The following FGGY variants were observed in gnomAD, a reference collection of about 807,000 sequenced individuals.
The protein encoded by FGGY is FGGY carbohydrate kinase domain containing, also known as FGGY carbohydrate kinase domain-containing protein.
Under a neutral mutation model 71.3 loss-of-function variants are expected in FGGY, and 72 were observed. The observed-to-expected ratio is 1.01, with a 90% CI of 0.84 to 1.23. The LOEUF is 1.23. FGGY is among the 50% of genes most tolerant of loss of function. The pLI, the probability that FGGY is intolerant of heterozygous loss-of-function variation, is 0.00. For missense variants in FGGY, 668 were observed against 682.3 expected, an observed-to-expected ratio of 0.98 and a Z score of 0.23; for synonymous variants, 251 against 250.3, an observed-to-expected ratio of 1.00 and a Z score of -0.02.
chr1:59,619,490 A>T (rs1455060126), intron 9 of FGGY, among the ~76,000 whole-genome samples: 6 of 152,058 alleles, frequency 3.9e-5, no homozygotes, highest in Non-Finnish European at 8.8e-5. Flanking sequence ...TGAGGAAAGG[A>T]AGGAATTTAG....
intron 14 of FGGY, among the ~76,000 whole-genome samples, chr1:59,748,547 G>T (rs749171140): frequency 6.6e-6 from 1 of 152,164 alleles, no homozygotes; most frequent in Non-Finnish European, 1.5e-5. Flanking sequence ...TTCCCAGCAT[G>T]GCCAGCCCAG....
At chr1:59,518,878 A>G (rs910688771) in intron 7 of FGGY, among the ~76,000 whole-genome samples, 1 of 152,194 alleles carries the variant, frequency 6.6e-6, no homozygotes. Context: ...GCAATGCGAG[A>G]ATGGACTAAT....
At chr1:59,632,984 G>T (rs1256077354) in intron 10 of FGGY, among the ~76,000 whole-genome samples, 2 of 151,208 alleles carry the variant, frequency 1.3e-5, no homozygotes, top group Non-Finnish European at 2.9e-5. Flanking sequence ...AAATTAGCTG[G>T]ATATTATTAT....
intron 14 of FGGY, among the ~76,000 whole-genome samples, chr1:59,700,504 G>T (rs1046111515): frequency 1.3e-5 from 2 of 152,190 alleles, no homozygotes; most frequent in Admixed American, 1.3e-4. Flanking sequence ...CAGGTCGTGT[G>T]CAATAAGAGT....
chr1:59,738,415 A>T (rs2098122661), intron 14 of FGGY, among the ~76,000 whole-genome samples: 1 of 152,232 alleles, frequency 6.6e-6, no homozygotes, highest in African/African-American at 2.4e-5. Context: ...GCAAACAAGA[A>T]TTGGAATAAA....
intron 8 of FGGY, among the ~76,000 whole-genome samples, chr1:59,564,665 C>G (rs1377490607): frequency 2.0e-5 from 3 of 152,248 alleles, no homozygotes; most frequent in Non-Finnish European, 2.9e-5. Flanking sequence ...GGAACTGGAA[C>G]TCACATGCCA....
At position 59,542,445 on chromosome 1, in the gene FGGY, C is replaced by CTTTTTTTTTTTTTTT. The variant is rs754831417; in HGVS notation, c.800-11662_800-11648dup. Among the ~76,000 whole-genome samples, 4 of 34,260 alleles carry CTTTTTTTTTTTTTTT rather than the reference C, an allele frequency of 1.2e-4. 1 individual carries two copies. Among genetic ancestry groups the CTTTTTTTTTTTTTTT allele is most frequent in the South Asian group, 1.6e-3 (1 of 630 alleles). 22.5% of individuals were successfully genotyped at this position (34,260 alleles called of 152,430 possible). A position where few individuals can be genotyped will look rare whatever the true frequency, so the allele number is the denominator to read the frequency against. ...GCCAAGACTATATGTATGTTCTTTACTTTTTTTTTTTTTTTTTTTTTTTTT... is the reference window on the plus strand; with the variant it reads ...GCCAAGACTATATGTATGTTCTTTACTTTTTTTTTTTTTTTTTTTTTTTTTTTTTTTTTTTTTTTT... On this transcript the variant is annotated intron_variant, in intron 7 of 15. Transcript: ENST00000303721.
intron 9 of FGGY, among the ~76,000 whole-genome samples, chr1:59,617,466 A>G (rs2096767636): frequency 6.6e-6 from 1 of 152,076 alleles, no homozygotes; most frequent in Non-Finnish European, 1.5e-5. Flanking sequence ...ACAGGACAGG[A>G]TCTTTTGATA....
intron 13 of FGGY, among the ~76,000 whole-genome samples, chr1:59,673,477 A>T (rs1326785942): frequency 6.6e-6 from 1 of 152,152 alleles, no homozygotes; most frequent in African/African-American, 2.4e-5. Context: ...CAGATCTGGG[A>T]GGGAGAGCCC....
chr1:59,355,457 G>T (rs1308588048), intron 4 of FGGY, among the ~76,000 whole-genome samples: 2 of 152,086 alleles, frequency 1.3e-5, no homozygotes, highest in Non-Finnish European at 2.9e-5. Context: ...TTAGCACAAT[G>T]CTCATGCTTT....
chr1:59,745,759 G>T (rs887218072), intron 14 of FGGY, among the ~76,000 whole-genome samples: 1 of 152,196 alleles, frequency 6.6e-6, no homozygotes, highest in Non-Finnish European at 1.5e-5. Context: ...TGGACTCTAA[G>T]CTAGCTATGG....
intron 2 of FGGY, among the ~76,000 whole-genome samples, chr1:59,326,359 G>A (rs538762717): frequency 1.3e-5 from 2 of 152,306 alleles, no homozygotes; most frequent in Non-Finnish European, 2.9e-5. Context: ...AGTGGTTGTG[G>A]GGAGGGGGAC....
chr1:59,597,578 A>C (rs1487334426), intron 8 of FGGY, among the ~76,000 whole-genome samples: 5 of 152,210 alleles, frequency 3.3e-5, no homozygotes, highest in Non-Finnish European at 5.9e-5. Flanking sequence ...TATGGAGGTG[A>C]TGATATTAAC....
chr1:59,565,635 G>A (rs2095862677), intron 8 of FGGY, among the ~76,000 whole-genome samples: 1 of 152,138 alleles, frequency 6.6e-6, no homozygotes, highest in Non-Finnish European at 1.5e-5. Flanking sequence ...CCAGAGCTCA[G>A]ACTCTCAACA....
At chr1:59,708,811 T>C (rs140314100) in intron 14 of FGGY, among the ~76,000 whole-genome samples, 5 of 152,320 alleles carry the variant, frequency 3.3e-5, no homozygotes, top group African/African-American at 1.2e-4. Flanking sequence ...CTGAAACTTT[T>C]TGAGCACTGA....
chr1:59,514,658 G>A lies in FGGY; in HGVS notation c.799+2219G>A, dbSNP rs145554341. The stretch of plus-strand genomic sequence containing the variant: ...GGGAGGTAATTGAATCATGGAGGCC[G>A]GTCTTTCCCATGCTATTCTCGTGAT... On this transcript the variant is annotated intron_variant, in intron 7 of 15. Coordinates refer to ENST00000303721, the MANE Select transcript of FGGY (RefSeq NM_018291.5). Among the ~76,000 whole-genome samples the A allele has an allele frequency of 6.8e-3, 1,036 of 152,200 alleles. 29 individuals are homozygous for A. The highest frequency in any genetic ancestry group is 0.059 in the Admixed American group (909 of 15,292).
chr1:59,576,463 G>A (rs2096076422), intron 8 of FGGY, among the ~76,000 whole-genome samples: 1 of 152,066 alleles, frequency 6.6e-6, no homozygotes, highest in African/African-American at 2.4e-5. Flanking sequence ...AGGGCTTAAA[G>A]CCTAGATGAC....
At chr1:59,350,101 C>G (rs1452490416) in intron 4 of FGGY, among the ~76,000 whole-genome samples, 1 of 152,088 alleles carries the variant, frequency 6.6e-6, no homozygotes, top group Non-Finnish European at 1.5e-5. Flanking sequence ...GCTCAAGTGC[C>G]CGTTCAGTAT....
At chr1:59,690,070 T>G (rs2097577339) in intron 14 of FGGY, among the ~76,000 whole-genome samples, 1 of 152,192 alleles carries the variant, frequency 6.6e-6, no homozygotes, top group African/African-American at 2.4e-5. Context: ...CTCAGTAAAC[T>G]GACTAACCAC....
Sources: allele counts gnomAD v4.1 joint callset (sites outside exome capture counted in the v4.1 genomes callset), GRCh38; gene constraint gnomAD v4.1.1; transcripts MANE v1.5; gene names NCBI Gene and HGNC (gene_info 2026-07-23, HGNC 2026-07-21).